The following FRMPD4 variants were observed in gnomAD, a reference collection of about 807,000 sequenced individuals.
The protein encoded by FRMPD4 is FERM and PDZ domain-containing protein 4.
In FRMPD4, 22 loss-of-function variants were observed where a neutral mutation model predicts 94.1. The ratio of observed to expected loss-of-function variants is 0.23; its 90% CI spans 0.17 to 0.33. FRMPD4 has a LOEUF of 0.33. Ranked by LOEUF, FRMPD4 falls within the 10% of genes least tolerant of loss-of-function variation. The pLI, the probability that FRMPD4 is intolerant of heterozygous loss-of-function variation, is 1.00. For synonymous variants in FRMPD4, 631 were observed against 548.6 expected (o/e 1.15, Z -2.10); for missense variants, 1,111 against 1,339.9 (o/e 0.83, Z 2.67).
chrX:12,353,868 T>C (rs1200132818), intron 1 of FRMPD4, among the ~76,000 whole-genome samples: 3 of 112,070 alleles, frequency 2.7e-5, no homozygotes, highest in Non-Finnish European at 5.6e-5. Flanking sequence ...CACTGAGTGC[T>C]CATTTTGCCC....
intron 1 of FRMPD4, among the ~76,000 whole-genome samples, chrX:12,379,642 C>CATGTGT (rs775017261): frequency 3.2e-4 from 29 of 89,977 alleles, no homozygotes; most frequent in African/African-American, 1.0e-3. Context: ...GATATGCTGC[C>CATGTGT]GTGTGTGTGT....
chrX:11,908,571 ATCT>A (rs1365712227), intron 3 of FRMPD4, among the ~76,000 whole-genome samples: 1 of 111,569 alleles, frequency 9.0e-6, no homozygotes, highest in East Asian at 2.8e-4. Context: ...CTAGTGGCAA[ATCT>A]TCTATTTTAC....
rs138241330 is a variant in FRMPD4 at position 12,325,008 on chromosome X, T to G, written c.42-173672T>G. The stretch of plus-strand genomic sequence containing the variant: ...TAGTGTAATCTCCATTGGGTTTATT[T>G]TTATTTCTGTGATGTTTCCCTCACC... On this transcript the variant is annotated intron_variant, in intron 1 of 16. Coordinates refer to ENST00000675598, the MANE Select transcript of FRMPD4 (RefSeq NM_001368397.1). Among the ~76,000 whole-genome samples the G allele has an allele frequency of 2.4e-3, 274 of 112,280 alleles. 1 individual carries two copies. Among genetic ancestry groups the G allele is most frequent in the Middle Eastern group, 0.014 (3 of 216 alleles).
intron 3 of FRMPD4, among the ~76,000 whole-genome samples, chrX:12,047,198 T>C (rs961906435): frequency 4.5e-5 from 5 of 110,185 alleles, no homozygotes; most frequent in African/African-American, 1.6e-4. Flanking sequence ...TGGTTATATA[T>C]ATGGTTTATA....
At chrX:12,316,474 G>T (rs2055118647) in intron 1 of FRMPD4, among the ~76,000 whole-genome samples, 1 of 112,003 alleles carries the variant, frequency 8.9e-6, no homozygotes, top group African/African-American at 3.2e-5. Flanking sequence ...TTTTTAAAAA[G>T]CAACAGCTTA....
chrX:12,674,818 G>T (rs376491171), intron 4 of FRMPD4, 45 bp from the exon 5 acceptor site: 1 of 816,926 alleles, frequency 1.2e-6, no homozygotes, highest in South Asian at 2.0e-5. Flanking sequence ...GTTAGAGTCC[G>T]GGCTCAGTGC....
intron 3 of FRMPD4, among the ~76,000 whole-genome samples, chrX:11,982,976 C>T (rs1239322734): frequency 1.8e-5 from 2 of 111,541 alleles, no homozygotes; most frequent in Non-Finnish European, 3.8e-5. Context: ...TACCTTGGAA[C>T]CTTATTTGCT....
intron 2 of FRMPD4, among the ~76,000 whole-genome samples, chrX:12,564,587 G>A (rs1347455495): frequency 1.8e-5 from 2 of 111,821 alleles, no homozygotes; most frequent in Non-Finnish European, 3.8e-5. Context: ...TCAACAACAG[G>A]TACTTAGTAT....
intron 1 of FRMPD4, among the ~76,000 whole-genome samples, chrX:12,214,369 A>G (rs2056783516): frequency 8.9e-6 from 1 of 112,033 alleles, no homozygotes; most frequent in Non-Finnish European, 1.9e-5. Flanking sequence ...TTTCCAGACT[A>G]GGGAGAGTTG....
rs1164811664 is a variant in FRMPD4, at chrX:11,901,128, G to A, written c.95+23110G>A. 2.7e-5 allele frequency among the ~76,000 whole-genome samples: 3 copies of A among 111,489 alleles called. No homozygotes were observed. The East Asian group carries it at 8.5e-4, about 32-fold the overall frequency. ...TTTTGATTTATTTCAATAGTTTTGG[G>A]GGTACAGGTGGTTTTTTGTTACATG... On this transcript the variant is annotated intron_variant, in intron 3 of 18. Transcript: ENST00000640291.
chrX:12,220,959 C>A (rs1347323620), intron 1 of FRMPD4, among the ~76,000 whole-genome samples: 1 of 111,760 alleles, frequency 8.9e-6, no homozygotes, highest in African/African-American at 3.3e-5. Context: ...ATTTCTCAAA[C>A]ATGCCCTGAG....
intron 7 of FRMPD4, among the ~76,000 whole-genome samples, chrX:12,687,527 G>T (rs2147113328): frequency 1.8e-5 from 2 of 111,922 alleles, no homozygotes; most frequent in Admixed American, 1.9e-4. Context: ...AAGCAGCCAT[G>T]AACAGGTGGG....
At position 12,716,196 on chromosome X, in the gene FRMPD4, G is replaced by A. The variant is rs1379976223; in HGVS notation, c.1737G>A (p.Thr579=). The stretch of plus-strand genomic sequence containing the variant: ...CATACATAGATTCAAAGCAGAAGAC[G>A]GTGGAGATCACAGACAGCACCATGT... ...QITYIDSKQK[T]VEITDSTMCP... Residue 579 remains threonine (T), a synonymous_variant, in exon 15 of 17, where the codon ACG becomes ACA. Coordinates refer to ENST00000675598, the MANE Select transcript of FRMPD4 (RefSeq NM_001368397.1). The A allele has an allele frequency of 2.8e-5, 34 of 1,205,384 alleles. No individual in the cohort carries two copies. Among genetic ancestry groups the A allele is most frequent in the Admixed American group, 8.8e-5 (4 of 45,683 alleles).
intron 3 of FRMPD4, among the ~76,000 whole-genome samples, chrX:11,986,997 T>C (rs1277388468): frequency 1.9e-5 from 2 of 104,378 alleles, no homozygotes; most frequent in African/African-American, 7.1e-5. Context: ...TAATATCAAT[T>C]ATACTGAAAC....
At chrX:12,239,023 T>A (rs1333245892) in intron 1 of FRMPD4, among the ~76,000 whole-genome samples, 2 of 112,541 alleles carry the variant, frequency 1.8e-5, no homozygotes, top group Non-Finnish European at 3.8e-5. Flanking sequence ...GACTTATTTG[T>A]ACATGTCATC....
chrX:12,150,584 T>C (rs1019814610), intron 1 of FRMPD4, among the ~76,000 whole-genome samples: 2 of 112,499 alleles, frequency 1.8e-5, no homozygotes, highest in African/African-American at 6.5e-5. Flanking sequence ...GGCTAAGTGA[T>C]ATCATTGCTG....
intron 3 of FRMPD4, among the ~76,000 whole-genome samples, chrX:11,980,440 T>C (rs1291377965): frequency 9.0e-6 from 1 of 111,639 alleles, no homozygotes; most frequent in Non-Finnish European, 1.9e-5. Context: ...GTTTTCTATA[T>C]CATTAACTGG....
At chrX:12,535,456 A>G (rs2058329251) in intron 2 of FRMPD4, among the ~76,000 whole-genome samples, 1 of 112,035 alleles carries the variant, frequency 8.9e-6, no homozygotes, top group Non-Finnish European at 1.9e-5. Flanking sequence ...AATCTCAACT[A>G]CTTGACCCCC....
intron 3 of FRMPD4, among the ~76,000 whole-genome samples, chrX:12,132,045 A>C (rs749072116): frequency 1.2e-3 from 138 of 111,903 alleles, no homozygotes; most frequent in Non-Finnish European, 2.2e-3. Context: ...CAAGGTGAAA[A>C]GTAACAAAGG....
Sources: allele counts gnomAD v4.1 joint callset (sites outside exome capture counted in the v4.1 genomes callset), GRCh38; gene constraint gnomAD v4.1.1; transcripts MANE v1.5; gene names NCBI Gene and HGNC (gene_info 2026-07-23, HGNC 2026-07-21).